Variants in MYO15B observed in about 807,000 individuals in gnomAD.
The protein encoded by MYO15B is myosin XVB.
A neutral mutation model predicts 119.3 loss-of-function variants in MYO15B; 207 were observed. That is an observed-to-expected ratio of 1.73 (90% CI 1.55 to 1.95). The LOEUF is 1.95. Among genes scored for constraint, MYO15B ranks in the 30% most tolerant of loss-of-function variants. The probability of loss-of-function intolerance (pLI) is 0.00; values close to 1 mark genes in which losing one functional copy is unlikely to be tolerated. For synonymous variants in MYO15B, 966 were observed against 498.9 expected (o/e 1.94, Z -12.48); for missense variants, 2,264 against 1,203.1 (o/e 1.88, Z -13.04).
intron 21 of MYO15B, among the ~76,000 whole-genome samples, chr17:75,609,071 GGC>G (rs2147939655): frequency 6.6e-6 from 1 of 152,218 alleles, no homozygotes; most frequent in African/African-American, 2.4e-5. Context: ...TCACCGTGTT[GGC>G]CAGGCTGGTC....
chr17:75,608,550 A>T (rs917066310), intron 21 of MYO15B, among the ~76,000 whole-genome samples: 2 of 151,838 alleles, frequency 1.3e-5, no homozygotes, highest in African/African-American at 4.8e-5. Context: ...CTGAGGCACG[A>T]GAATCACTTG....
At chr17:75,625,356 T>C in intron 60 of MYO15B, 118 bp downstream of exon 60, 1 of 641,074 alleles carries the variant, frequency 1.6e-6, no homozygotes. Context: ...CCTGTGAACA[T>C]CTGTCCTCTC....
At chr17:75,591,694 G>A (rs923015986) in exon 5 of MYO15B, 4 of 702,834 alleles carry the variant, frequency 5.7e-6, no homozygotes, top group African/African-American at 1.7e-5. Flanking sequence ...AGGATCAGAC[G>A]GGGAACCGAG....
intron 60 of MYO15B, 56 bp from the exon 61 acceptor site, chr17:75,625,471 G>A (rs2058986844): frequency 1.4e-6 from 1 of 700,218 alleles, no homozygotes; most frequent in Non-Finnish European, 2.6e-6. Flanking sequence ...CGTGCTGTAT[G>A]CCCAGCCCTG....
intron 20 of MYO15B, 111 bp from the exon 21 acceptor site, chr17:75,605,752 AG>A: frequency 1.5e-6 from 1 of 652,662 alleles, no homozygotes; most frequent in Non-Finnish European, 2.8e-6. Context: ...GCTGGACGGC[AG>A]GGCCAGAAGA....
At chr17:75,602,766 C>T (rs938420915) in intron 16 of MYO15B, 64 bp from the exon 17 acceptor site, 8 of 604,702 alleles carry the variant, frequency 1.3e-5, no homozygotes, top group Non-Finnish European at 2.4e-5. Flanking sequence ...TTCTGGCTCT[C>T]CCGGGCTGCA....
exon 20 of MYO15B, chr17:75,605,555 G>C (rs2057587980): frequency 1.4e-6 from 1 of 702,796 alleles, no homozygotes; most frequent in Non-Finnish European, 2.6e-6. Context: ...ACCGGGAGAA[G>C]TGTGGTGCCG....
At position 75,617,846 on chromosome 17, in the gene MYO15B, C is replaced by T. The variant is rs765298771; in HGVS notation, c.6851C>T (p.Thr2284Ile). 6 of 702,958 alleles carry T rather than the reference C, an allele frequency of 8.5e-6. No homozygotes were observed. The South Asian group carries it at 8.9e-5, about 10-fold the overall frequency. 43.5% of individuals were successfully genotyped at this position (702,958 alleles called of 1,614,324 possible). ...CCCGTGGAGGACCAGGGGGTCTCCACCCAGCTACTCGCGCCCTCTGGCAGC... is the reference window on the plus strand; with the variant it reads ...CCCGTGGAGGACCAGGGGGTCTCCATCCAGCTACTCGCGCCCTCTGGCAGC... Residue 2284 changes from threonine to isoleucine, a missense_variant, in exon 42 of 64, where the codon ACC becomes ATC. Physicochemically the swap from Thr to Ile is moderately conservative, Grantham distance 89. Transcript: ENST00000645453.
intron 1 of MYO15B, 78 bp from the exon 2 acceptor site, chr17:75,590,548 C>G: frequency 3.1e-6 from 1 of 323,598 alleles, no homozygotes; most frequent in Non-Finnish European, 5.6e-6. Context: ...TGCCAGGGTC[C>G]CTGCAGTGGG....
At position 75,624,873 on chromosome 17, in the gene MYO15B, T is replaced by G. The variant is rs1434623177; in HGVS notation, c.8645T>G (p.Leu2882Arg). 3 of 702,906 alleles carry G rather than the reference T, an allele frequency of 4.3e-6. No homozygotes were observed. In the African/African-American group the frequency reaches 5.2e-5, roughly 12 times the overall value. 43.5% of individuals were successfully genotyped at this position (702,906 alleles called of 1,614,324 possible). A position where few individuals can be genotyped will look rare whatever the true frequency, so the allele number is the denominator to read the frequency against. The change falls in exon 59 of 64, where the codon CTG becomes CGG. Residue 2882 changes from leucine to arginine, a missense_variant. Coordinates refer to ENST00000645453, the Ensembl canonical transcript of MYO15B. ...CGGCGGCTCCACTGGGAGACCCCAC[T>G]GCACTTCGATAACTCCACCTACATC...
At chr17:75,622,301 G>C (rs1432598231) in intron 53 of MYO15B, among the ~76,000 whole-genome samples, 1 of 152,246 alleles carries the variant, frequency 6.6e-6, no homozygotes, top group African/African-American at 2.4e-5. Context: ...TCACTGGAGA[G>C]TAAGAATGCA....
At chr17:75,593,008 T>G (rs1325644773) in intron 9 of MYO15B, 168 bp downstream of exon 9, 1 of 568,004 alleles carries the variant, frequency 1.8e-6, no homozygotes, top group Non-Finnish European at 3.1e-6. Flanking sequence ...ATAGAGCTTC[T>G]CCACTCTCCC....
At chr17:75,603,263 C>T (rs891411953) in exon 19 of MYO15B, 10 of 703,108 alleles carry the variant, frequency 1.4e-5, no homozygotes, top group East Asian at 2.7e-5. Flanking sequence ...CGTGGGCACC[C>T]GCAGTGCCAA....
Position 75,615,002 on chromosome 17 carries a change from A to AG in MYO15B, c.5606dup (p.Ala1870ArgfsTer132). ...GGGCTCTGAGCAGCCGCATGAAGGG[A>AG]GGGGGCGCCATTGGGCCCACACAGC... On this transcript the variant is annotated frameshift_variant, in exon 33 of 64. Transcript: ENST00000645453. LOFTEE classifies it high-confidence loss of function. 1 of 702,970 alleles carries AG rather than the reference A, an allele frequency of 1.4e-6. No individual in the cohort carries two copies. Among genetic ancestry groups the AG allele is most frequent in the Non-Finnish European group, 2.6e-6 (1 of 385,024 alleles). 43.5% of individuals were successfully genotyped at this position (702,970 alleles called of 1,614,324 possible). A position where few individuals can be genotyped will look rare whatever the true frequency, so the allele number is the denominator to read the frequency against.
intron 53 of MYO15B, 100 bp downstream of exon 53, chr17:75,622,180 A>G (rs1254281662): frequency 4.4e-6 from 3 of 676,886 alleles, no homozygotes; most frequent in Non-Finnish European, 8.1e-6. Context: ...AAATCATTCC[A>G]AAGTATTTAC....
In MYO15B at chr17:75,590,893, G is replaced by A; in HGVS notation, c.2251-14G>A. The A allele has an allele frequency of 2.3e-6, 1 of 435,590 alleles. No individual in the cohort carries two copies. Among genetic ancestry groups the A allele is most frequent in the South Asian group, 2.5e-5 (1 of 39,716 alleles). 27.0% of individuals were successfully genotyped at this position (435,590 alleles called of 1,614,324 possible). A position where few individuals can be genotyped will look rare whatever the true frequency, so the allele number is the denominator to read the frequency against. On this transcript the variant is annotated splice_polypyrimidine_tract_variant and intron_variant, in intron 2 of 63. Coordinates refer to ENST00000645453, the Ensembl canonical transcript of MYO15B. The stretch of plus-strand genomic sequence containing the variant: ...TCCCTCCACACTCTGATGAGAGCTT[G>A]TTTTCCTCCCCAGACCTTTGGGGGG...
exon 26 of MYO15B, chr17:75,612,810 C>T (rs2058111029): frequency 1.4e-6 from 1 of 702,870 alleles, no homozygotes; most frequent in South Asian, 1.5e-5. Flanking sequence ...ACCGTCCCTG[C>T]CCAGGCCAGG....
intron 14 of MYO15B, among the ~76,000 whole-genome samples, chr17:75,600,084 C>T (rs956584045): frequency 4.0e-4 from 58 of 143,222 alleles, no homozygotes; most frequent in African/African-American, 1.3e-3. Context: ...AGTGCAGTGG[C>T]GTGATCTCAG....
In MYO15B at chr17:75,587,863, C is replaced by A. The variant is rs141677994; in HGVS notation, c.-195C>A. On this transcript the variant is annotated 5_prime_UTR_variant, in exon 1 of 64. Transcript: ENST00000645453. ...CTGGGCGCCTCTATTCCATTGTTGGCCGAGGGGGTCAGGACCCGCCGCCTT... is the reference window on the plus strand; with the variant it reads ...CTGGGCGCCTCTATTCCATTGTTGGACGAGGGGGTCAGGACCCGCCGCCTT... Among the ~76,000 whole-genome samples the A allele has an allele frequency of 8.3e-4, 127 of 152,390 alleles. 4 individuals are homozygous for A. The highest frequency in any genetic ancestry group is 2.4e-3 in the African/African-American group (101 of 41,602).
Sources: gnomAD v4.1 joint callset for allele counts (sites outside exome capture counted in the v4.1 genomes callset) on GRCh38, gnomAD v4.1.1 for gene constraint, MANE v1.5 for transcripts, NCBI Gene and HGNC (gene_info 2026-07-23, HGNC 2026-07-21) for gene names.